RGPD4: variants seen among roughly 807,000 people sequenced by gnomAD.
RGPD4 encodes ranBP2-like and GRIP domain-containing protein 4.
In RGPD4, 84 loss-of-function variants were observed where a neutral mutation model predicts 141.1. The observed-to-expected ratio is 0.60, with a 90% CI of 0.50 to 0.71. The LOEUF (loss-of-function observed/expected upper bound fraction) is 0.71. Ranked by LOEUF, RGPD4 falls within the 30% of genes least tolerant of loss-of-function variation. The pLI is 0.00. For missense variants in RGPD4, 918 were observed against 1,622.4 expected, an observed-to-expected ratio of 0.57 and a Z score of 7.46; for synonymous variants, 298 against 566.8, an observed-to-expected ratio of 0.53 and a Z score of 6.74.
chr2:107,887,374 A>G (rs1007052167), intron 22 of RGPD4, among the ~76,000 whole-genome samples: 59 of 152,330 alleles, frequency 3.9e-4, no homozygotes, highest in African/African-American at 1.3e-3. Flanking sequence ...ACATATATAC[A>G]TGAGTGTTGG....
At chr2:107,877,805 AG>A (rs544854555) in intron 20 of RGPD4, among the ~76,000 whole-genome samples, 1 of 151,734 alleles carries the variant, frequency 6.6e-6, no homozygotes, top group African/African-American at 2.4e-5. Context: ...TTGATGACTA[AG>A]GTTTTTTTTG....
Position 107,885,494 on chromosome 2 carries a change from A to T in RGPD4, c.5266+2621A>T, listed in dbSNP as rs1675484851. ...AAGGGTCCATTGATTTAGAAGTTCT[A>T]AAAGAGACTAACCTAAGGGATACCA... On this transcript the variant is annotated intron_variant, in intron 22 of 22. Coordinates refer to ENST00000408999, the MANE Select transcript of RGPD4 (RefSeq NM_182588.3). Among the ~76,000 whole-genome samples, 3 of 152,292 alleles carry T rather than the reference A, an allele frequency of 2.0e-5. No homozygotes were observed. The South Asian group carries it at 6.2e-4, about 32-fold the overall frequency.
At chr2:107,876,048 AT>A (rs1467249729) in intron 20 of RGPD4, among the ~76,000 whole-genome samples, 2 of 149,726 alleles carry the variant, frequency 1.3e-5, no homozygotes, top group Non-Finnish European at 3.0e-5. Flanking sequence ...TTGGTTTTAA[AT>A]AGATTCTGTG....
rs1465476206 is a variant in RGPD4, at chr2:107,840,861, C to T, written c.405+1897C>T. 5.7e-5 allele frequency among the ~76,000 whole-genome samples: 4 copies of T among 70,498 alleles called. 1 individual carries two copies. The highest frequency in any genetic ancestry group is 2.0e-4 in the African/African-American group (3 of 15,210). The allele number at this position is 70,498 out of a possible 152,430, so 46.2% of individuals were successfully genotyped here. Reference sequence around the variant, plus strand: ...GCCTCCCGGATTCTCAGGTGATCCACCCACTTTGGCCTCCCAAAGTGCTGG... The same window carrying T: ...GCCTCCCGGATTCTCAGGTGATCCATCCACTTTGGCCTCCCAAAGTGCTGG... On this transcript the variant is annotated intron_variant, in intron 4 of 22. Coordinates refer to ENST00000408999, the MANE Select transcript of RGPD4 (RefSeq NM_182588.3).
intron 22 of RGPD4, among the ~76,000 whole-genome samples, chr2:107,886,660 T>A (rs1470218764): frequency 1.3e-5 from 2 of 152,012 alleles, no homozygotes; most frequent in Non-Finnish European, 1.5e-5. Context: ...GTCTGACTGG[T>A]CACACTAGGG....
In RGPD4 at chr2:107,862,778, T is replaced by G. The variant is rs772554696; in HGVS notation, c.2302T>G (p.Ser768Ala). Residue 768 changes from serine to alanine, a missense_variant, in exon 16 of 23, where the codon TCT (serine) becomes GCT (alanine). Ser to Ala is a moderately conservative substitution (Grantham distance 99). Coordinates refer to ENST00000408999, the MANE Select transcript of RGPD4 (RefSeq NM_182588.3). ...SEGDPLYKNG[S>A]LRNADSEIKH... Reference sequence around the variant, plus strand: ...AGGAGATCCTCTCTATAAAAATGGTTCTTTGCGAAATGCGGATTCAGAAAT... The same window carrying G: ...AGGAGATCCTCTCTATAAAAATGGTGCTTTGCGAAATGCGGATTCAGAAAT... 4 of 1,031,062 alleles carry G rather than the reference T, an allele frequency of 3.9e-6. 1 individual carries two copies. The highest frequency in any genetic ancestry group is 5.3e-6 in the Non-Finnish European group (4 of 752,632). 63.9% of individuals were successfully genotyped at this position (1,031,062 alleles called of 1,614,324 possible). A position where few individuals can be genotyped will look rare whatever the true frequency, so the allele number is the denominator to read the frequency against.
intron 20 of RGPD4, among the ~76,000 whole-genome samples, chr2:107,873,649 C>A (rs933673838): frequency 7.3e-5 from 11 of 150,488 alleles, no homozygotes; most frequent in Non-Finnish European, 1.2e-4. Context: ...CAGTCTTGCT[C>A]ATGTATTAAA....
At chr2:107,846,698 C>T (rs1273755145) in intron 6 of RGPD4, among the ~76,000 whole-genome samples, 1 of 148,464 alleles carries the variant, frequency 6.7e-6, no homozygotes, top group Non-Finnish European at 1.5e-5. Flanking sequence ...GAACTCCTGA[C>T]CTCAGGTGAT....
chr2:107,886,285 T>A, intron 22 of RGPD4, among the ~76,000 whole-genome samples: 1 of 83,998 alleles, frequency 1.2e-5, no homozygotes, highest in Non-Finnish European at 2.4e-5. Flanking sequence ...CCCAATAAAA[T>A]CTCAAGCAGT....
chr2:107,828,551 G>C (rs866448721), intron 1 of RGPD4, among the ~76,000 whole-genome samples: 1 of 121,290 alleles, frequency 8.2e-6, no homozygotes, highest in Non-Finnish European at 1.7e-5. Context: ...GGCTCCCGAC[G>C]GGCGCTGCTC....
At chr2:107,874,491 C>T (rs1208249579) in intron 20 of RGPD4, among the ~76,000 whole-genome samples, 1 of 57,532 alleles carries the variant, frequency 1.7e-5, no homozygotes, top group East Asian at 2.3e-4. Flanking sequence ...GATAAAGTAA[C>T]AATCTCTGAT....
chr2:107,841,414 T>C (rs1681795046), intron 4 of RGPD4, among the ~76,000 whole-genome samples: 2 of 85,212 alleles, frequency 2.3e-5, no homozygotes, highest in East Asian at 4.7e-4. Flanking sequence ...TAAGGCTTGC[T>C]AAGGTAAACA....
At chr2:107,879,928 T>C (rs976521174) in intron 20 of RGPD4, 40 bp from the exon 21 acceptor site, 1 of 1,609,616 alleles carries the variant, frequency 6.2e-7, no homozygotes, top group Admixed American at 1.7e-5. Context: ...ATCTGTAATG[T>C]ATGATTTTGA....
chr2:107,880,171 C>T (rs1675313599), intron 21 of RGPD4, 64 bp downstream of exon 21: 5 of 1,598,112 alleles, frequency 3.1e-6, no homozygotes, highest in Non-Finnish European at 4.3e-6. Flanking sequence ...CCTCCATACA[C>T]ATGTACCCAA....
intron 1 of RGPD4, among the ~76,000 whole-genome samples, chr2:107,828,717 G>C (rs1374020235): frequency 3.3e-5 from 1 of 30,188 alleles, no homozygotes; most frequent in Non-Finnish European, 7.0e-5. Flanking sequence ...GACCTGGCCG[G>C]GCGGCGGCGG....
Position 107,873,572 on chromosome 2 carries a change from TC to T in RGPD4, c.4924+646del, listed in dbSNP as rs1461591091. 3.5e-4 allele frequency among the ~76,000 whole-genome samples: 21 copies of T among 60,636 alleles called. No homozygotes were observed. In the East Asian group the frequency reaches 9.8e-3, roughly 28 times the overall value. 39.8% of individuals were successfully genotyped at this position (60,636 alleles called of 152,430 possible). Reference sequence around the variant, plus strand: ...CTGACTGAGTGACTGAGACTTTGTCTCCAAAAAAAAAAAAAAAAAAAAAAAA... The same window carrying T: ...CTGACTGAGTGACTGAGACTTTGTCTCAAAAAAAAAAAAAAAAAAAAAAAA... On this transcript the variant is annotated intron_variant, in intron 20 of 22. Transcript: ENST00000408999.
At position 107,869,941 on chromosome 2, in the gene RGPD4, T is replaced by A; in HGVS notation, c.2664T>A (p.Tyr888Ter). 2.7e-6 allele frequency: 4 copies of A among 1,489,304 alleles called. No homozygotes were observed. Among genetic ancestry groups the A allele is most frequent in the Non-Finnish European group, 8.9e-7 (1 of 1,123,964 alleles). 92.3% of individuals were successfully genotyped at this position (1,489,304 alleles called of 1,614,324 possible). The change falls in exon 19 of 23, where the codon TAT becomes TAA. Residue 888 changes from tyrosine to a stop codon, truncating the protein, a stop_gained. Transcript: ENST00000408999. LOFTEE classifies it high-confidence loss of function. ...AGTCACCAGCATATAATTCCCAGTA[T>A]CTTCTCAGACCAGCAGCTAATGTTA... ...YSQSPAYNSQ[Y>*]LLRPAANVTP... is the part of the protein sequence containing the mutation.
chr2:107,869,170 T>C, intron 18 of RGPD4, among the ~76,000 whole-genome samples: 1 of 68,392 alleles, frequency 1.5e-5, no homozygotes. Flanking sequence ...TTCTTCCATG[T>C]ACAGGCATGA....
At chr2:107,828,532 A>C (rs1681326035) in intron 1 of RGPD4, among the ~76,000 whole-genome samples, 1 of 122,276 alleles carries the variant, frequency 8.2e-6, no homozygotes, top group African/African-American at 3.2e-5. Flanking sequence ...TCGATGGCTC[A>C]GGCGTCATGG....
Sources: allele counts gnomAD v4.1 joint callset (sites outside exome capture counted in the v4.1 genomes callset), GRCh38; gene constraint gnomAD v4.1.1; transcripts MANE v1.5; gene names NCBI Gene and HGNC (gene_info 2026-07-23, HGNC 2026-07-21).